The following ZW10 variants were observed in gnomAD, a reference collection of about 807,000 sequenced individuals.
ZW10 encodes the protein zw10 kinetochore protein.
ZW10 carries 53 observed loss-of-function variants against 87.8 expected under a neutral mutation model. That is an observed-to-expected ratio of 0.60 (90% CI 0.48 to 0.76). The LOEUF (loss-of-function observed/expected upper bound fraction) is 0.76, where lower values mean the gene tolerates loss of function less well. ZW10 is among the 30% of genes least tolerant of loss of function. The pLI, the probability that ZW10 is intolerant of heterozygous loss-of-function variation, is 0.00. For synonymous variants in ZW10, 312 were observed against 329.2 expected (o/e 0.95, Z 0.57); for missense variants, 837 against 923.0 (o/e 0.91, Z 1.21).
intron 2 of ZW10, among the ~76,000 whole-genome samples, chr11:113,763,087 A>G (rs1953879109): frequency 6.6e-6 from 1 of 151,518 alleles, no homozygotes; most frequent in South Asian, 2.1e-4. Context: ...TCATTGTTCA[A>G]CTCCCACTTA....
Position 113,758,620 on chromosome 11 carries a change from G to C in ZW10, c.667C>G (p.Pro223Ala). 4 of 1,614,088 alleles carry C rather than the reference G, an allele frequency of 2.5e-6. No homozygotes were observed. Among genetic ancestry groups the C allele is most frequent in the Non-Finnish European group, 3.4e-6 (4 of 1,179,982 alleles). Residue 223 changes from proline to alanine, a missense_variant, in exon 6 of 16, where the codon CCC (proline) becomes GCC (alanine). By Grantham distance (27) the Pro-to-Ala change is conservative. Transcript: ENST00000200135. Reference sequence around the variant, plus strand: ...AATGCCAAGAGGACAGAACTGATGGGTGGCATAGGGGTCTTCTCCTCTTTG... The same window carrying C: ...AATGCCAAGAGGACAGAACTGATGGCTGGCATAGGGGTCTTCTCCTCTTTG... ...SHKEEKTPMP[P>A]ISSVLLAFSV...
chr11:113,768,835 C>G lies in ZW10; in HGVS notation c.238G>C (p.Glu80Gln). 6.2e-7 allele frequency: 1 copy of G among 1,614,012 alleles called. No homozygotes were observed. The highest frequency in any genetic ancestry group is 8.5e-7 in the Non-Finnish European group (1 of 1,179,966). ...IDLLKSRIES[E>Q]VRRDLHVSTG... is the part of the protein sequence containing the mutation. ...CCAATATAACAAATTATCCTTACCT[C>G]ACTCTCTATCCTGGATTTCAGCAGG... is the stretch of plus-strand genomic sequence containing the variant. Residue 80 changes from glutamate (E) to glutamine (Q), a missense_variant and splice_region_variant, in exon 2 of 16, where the codon GAG becomes CAG. Physicochemically the swap from Glu to Gln is conservative, Grantham distance 29 (BLOSUM62 2). Coordinates refer to ENST00000200135, the MANE Select transcript of ZW10 (RefSeq NM_004724.4).
rs745625126 is a variant in ZW10, at chr11:113,748,367, C to T, written c.979G>A (p.Ala327Thr). The T allele has an allele frequency of 6.8e-6, 11 of 1,613,066 alleles. No homozygotes were observed. Among genetic ancestry groups the T allele is most frequent in the South Asian group, 1.1e-5 (1 of 90,916 alleles). ...CAGATCATGTCTCCAAGCATCTCAG[C>T]CAATGGGACAGTAGATGTTTTTTCA... ...ENEKTSTVPL[A>T]EMLGDMIWED... Residue 327 changes from alanine (A) to threonine (T), a missense_variant, in exon 8 of 16, where the codon GCT (alanine) becomes ACT (threonine). Coordinates refer to ENST00000200135, the MANE Select transcript of ZW10 (RefSeq NM_004724.4).
At chr11:113,772,373 G>A (rs1953975966) in intron 1 of ZW10, among the ~76,000 whole-genome samples, 1 of 152,180 alleles carries the variant, frequency 6.6e-6, no homozygotes, top group Admixed American at 6.5e-5. Context: ...TCAGGGATAT[G>A]ACTACTTAAA....
At chr11:113,735,864 C>G (rs1401950201) in intron 15 of ZW10, among the ~76,000 whole-genome samples, 3 of 152,200 alleles carry the variant, frequency 2.0e-5, no homozygotes, top group Non-Finnish European at 4.4e-5. Context: ...TCTAAAACTA[C>G]TGCACTCCCT....
chr11:113,749,046 G>A (rs960347188), intron 7 of ZW10, among the ~76,000 whole-genome samples: 4 of 152,092 alleles, frequency 2.6e-5, no homozygotes, highest in Non-Finnish European at 4.4e-5. Flanking sequence ...CACAAAGGAA[G>A]ACTTAGGGGA....
chr11:113,747,162 G>C (rs934210043), intron 9 of ZW10, among the ~76,000 whole-genome samples: 1 of 151,984 alleles, frequency 6.6e-6, no homozygotes, highest in African/African-American at 2.4e-5. Flanking sequence ...TTTCATAAGA[G>C]GATATAATTT....
chr11:113,768,466 T>C (rs1953929480), intron 2 of ZW10, among the ~76,000 whole-genome samples: 1 of 152,328 alleles, frequency 6.6e-6, no homozygotes. Context: ...TGTTACACTA[T>C]TGATATTGAC....
At chr11:113,739,757 A>G (rs969223111) in intron 11 of ZW10, among the ~76,000 whole-genome samples, 1 of 152,232 alleles carries the variant, frequency 6.6e-6, no homozygotes, top group African/African-American at 2.4e-5. Flanking sequence ...TTCCTACTTC[A>G]GTCATATAAT....
rs779354496 is a variant in ZW10 at position 113,758,537 on chromosome 11, A to C, written c.733+17T>G. The C allele has an allele frequency of 1.2e-6, 2 of 1,610,012 alleles. No individual in the cohort carries two copies. The highest frequency in any genetic ancestry group is 2.7e-5 in the African/African-American group (2 of 74,712). On this transcript the variant is annotated intron_variant, in intron 6 of 15. Coordinates refer to ENST00000200135, the MANE Select transcript of ZW10 (RefSeq NM_004724.4). ...TCAGGAGATTTTGTGTAAATGAAACAAAGTAGCATGCCTTACCAAATGATT... is the reference window on the plus strand; with the variant it reads ...TCAGGAGATTTTGTGTAAATGAAACCAAGTAGCATGCCTTACCAAATGATT...
In ZW10 at chr11:113,748,431, T is replaced by A; in HGVS notation, c.926-11A>T. On this transcript the variant is annotated splice_polypyrimidine_tract_variant and intron_variant, in intron 7 of 15. Coordinates refer to ENST00000200135, the MANE Select transcript of ZW10 (RefSeq NM_004724.4). Reference sequence around the variant, plus strand: ...TGTCAAGTGGCAAATCTGAATTTTTTAAAAAAAGAAGTTTTAAACAAGAAA... The same window carrying A: ...TGTCAAGTGGCAAATCTGAATTTTTAAAAAAAAGAAGTTTTAAACAAGAAA... The A allele has an allele frequency of 1.3e-6, 2 of 1,573,408 alleles. No individual in the cohort carries two copies. Among genetic ancestry groups the A allele is most frequent in the Non-Finnish European group, 1.7e-6 (2 of 1,166,262 alleles).
intron 1 of ZW10, among the ~76,000 whole-genome samples, chr11:113,771,981 A>T (rs1235011750): frequency 2.0e-5 from 3 of 152,248 alleles, no homozygotes; most frequent in African/African-American, 7.2e-5. Flanking sequence ...TACAGCAACA[A>T]AGTTACAAAG....
intron 2 of ZW10, among the ~76,000 whole-genome samples, chr11:113,762,115 C>T (rs1418464309): frequency 6.6e-6 from 1 of 152,222 alleles, no homozygotes; most frequent in Non-Finnish European, 1.5e-5. Flanking sequence ...GCAAACATCA[C>T]AGAGTGTACT....
At position 113,760,223 on chromosome 11, in the gene ZW10, A is replaced by T. The variant is rs1410545726; in HGVS notation, c.566T>A (p.Phe189Tyr). 6 of 1,613,818 alleles carry T rather than the reference A, an allele frequency of 3.7e-6. No individual in the cohort carries two copies. The highest frequency in any genetic ancestry group is 5.1e-6 in the Non-Finnish European group (6 of 1,179,938). ...GTCAGCAGCACCTTTTGATGGTGGGAACTTCCATACAATCAGCTTCTGCCA... is the reference window on the plus strand; with the variant it reads ...GTCAGCAGCACCTTTTGATGGTGGGTACTTCCATACAATCAGCTTCTGCCA... ...EEWQKLIVWK[F>Y]PPSKDTSSLE... The change falls in exon 5 of 16, where the codon TTC becomes TAC. Residue 189 changes from phenylalanine to tyrosine, a missense_variant. Transcript: ENST00000200135.
At chr11:113,756,045 A>G (rs1489448599) in intron 7 of ZW10, among the ~76,000 whole-genome samples, 1 of 152,240 alleles carries the variant, frequency 6.6e-6, no homozygotes. Flanking sequence ...ACTTTATTGC[A>G]GTGGTCTAAA....
intron 7 of ZW10, 103 bp downstream of exon 7, chr11:113,757,559 C>A (rs1953803654): frequency 4.3e-6 from 4 of 940,100 alleles, no homozygotes; most frequent in Non-Finnish European, 5.8e-6. Flanking sequence ...TTTTCATCCT[C>A]CTTTCTCACA....
chr11:113,764,205 G>A (rs1298717340), intron 2 of ZW10, among the ~76,000 whole-genome samples: 4 of 152,132 alleles, frequency 2.6e-5, no homozygotes, highest in Non-Finnish European at 5.9e-5. Context: ...CCTCTGTTCT[G>A]CTCCATTGGT....
intron 7 of ZW10, among the ~76,000 whole-genome samples, chr11:113,753,673 TG>T (rs1953755632): frequency 6.6e-6 from 1 of 152,192 alleles, no homozygotes; most frequent in Non-Finnish European, 1.5e-5. Context: ...CCCAAAGTGC[TG>T]GAACTACAGG....
chr11:113,734,680 C>T (rs928664994), intron 15 of ZW10, among the ~76,000 whole-genome samples: 1 of 152,022 alleles, frequency 6.6e-6, no homozygotes, highest in African/African-American at 2.4e-5. Flanking sequence ...TGATGGGCAC[C>T]TTTAATCCCA....
Sources: allele counts gnomAD v4.1 joint callset (sites outside exome capture counted in the v4.1 genomes callset), GRCh38; gene constraint gnomAD v4.1.1; transcripts MANE v1.5; gene names NCBI Gene and HGNC (gene_info 2026-07-23, HGNC 2026-07-21).